CAMKMT: variants seen among roughly 807,000 people sequenced by gnomAD.
CAMKMT encodes the protein CaM KMT.
A neutral mutation model predicts 48.0 loss-of-function variants in CAMKMT; 53 were observed. The observed-to-expected ratio is 1.10, with a 90% confidence interval of 0.89 to 1.39. The LOEUF (loss-of-function observed/expected upper bound fraction) is 1.39. Ranked by LOEUF, CAMKMT falls within the 40% of genes most tolerant of loss-of-function variation. CAMKMT has a pLI of 0.00. For missense variants in CAMKMT, 428 were observed against 402.7 expected (o/e 1.06, Z -0.54); for synonymous variants, 165 against 152.3 (o/e 1.08, Z -0.61).
chr2:44,722,359 A>G (rs1359707362), intron 7 of CAMKMT, among the ~76,000 whole-genome samples: 1 of 152,098 alleles, frequency 6.6e-6, no homozygotes, highest in Non-Finnish European at 1.5e-5. Flanking sequence ...ACCAAAAAGT[A>G]TATGATGTTT....
At chr2:44,369,745 A>C (rs1198500473) in intron 1 of CAMKMT, 1 of 152,238 alleles carries the variant, frequency 6.6e-6, no homozygotes, top group Non-Finnish European at 1.5e-5. Context: ...AAGTGATGCC[A>C]CTTGTGCTCC....
At chr2:44,417,780 T>C (rs945713474) in intron 3 of CAMKMT, among the ~76,000 whole-genome samples, 5 of 152,246 alleles carry the variant, frequency 3.3e-5, no homozygotes, top group African/African-American at 1.2e-4. Context: ...TGCGGTTCTA[T>C]GCAGATTCCT....
In CAMKMT at chr2:44,624,426, A is replaced by G. The variant is rs995274154; in HGVS notation, c.377-79857A>G. Among the ~76,000 whole-genome samples the G allele has an allele frequency of 2.6e-5, 4 of 152,026 alleles. No individual in the cohort carries two copies. The South Asian group carries it at 6.2e-4, about 24-fold the overall frequency. ...TGTGCCATGTTGGTGTGCTGCACCTATTAACTCGTCATTTAGCATTAGGTA... is the reference window on the plus strand; with the variant it reads ...TGTGCCATGTTGGTGTGCTGCACCTGTTAACTCGTCATTTAGCATTAGGTA... On this transcript the variant is annotated intron_variant, in intron 3 of 10. Coordinates refer to ENST00000378494, the MANE Select transcript of CAMKMT (RefSeq NM_024766.5).
At chr2:44,666,886 G>T (rs545749835) in intron 3 of CAMKMT, among the ~76,000 whole-genome samples, 7 of 152,354 alleles carry the variant, frequency 4.6e-5, no homozygotes, top group African/African-American at 1.4e-4. Context: ...GGGATTACAG[G>T]TGTGAGCTAC....
At chr2:44,715,435 G>A (rs1678126074) in intron 7 of CAMKMT, 82 bp downstream of exon 7, 2 of 1,029,384 alleles carry the variant, frequency 1.9e-6, no homozygotes, top group Non-Finnish European at 3.0e-6. Flanking sequence ...AATAATAATA[G>A]CTAACATTTA....
chr2:44,728,540 A>G (rs543331210), intron 7 of CAMKMT, among the ~76,000 whole-genome samples: 6 of 152,226 alleles, frequency 3.9e-5, no homozygotes, highest in Admixed American at 1.3e-4. Flanking sequence ...CTGTGAATCC[A>G]TCTGGTCCAG....
At chr2:44,384,500 CTT>C (rs141017634) in intron 2 of CAMKMT, among the ~76,000 whole-genome samples, 22 of 95,838 alleles carry the variant, frequency 2.3e-4, no homozygotes, top group Admixed American at 3.3e-4. Flanking sequence ...AGCTATTTAT[CTT>C]TTTTTTTTTT....
intron 2 of CAMKMT, among the ~76,000 whole-genome samples, chr2:44,389,331 G>T (rs1181649955): frequency 6.6e-6 from 1 of 152,154 alleles, no homozygotes; most frequent in East Asian, 1.9e-4. Context: ...ACCTTTCGAG[G>T]TACCAGGGTT....
intron 3 of CAMKMT, among the ~76,000 whole-genome samples, chr2:44,391,526 A>T (rs997952138): frequency 6.6e-6 from 1 of 152,126 alleles, no homozygotes; most frequent in African/African-American, 2.4e-5. Flanking sequence ...ATGGTTGAGG[A>T]TACATACTCT....
At chr2:44,725,178 G>GTGTA (rs1328926116) in intron 7 of CAMKMT, among the ~76,000 whole-genome samples, 1 of 151,548 alleles carries the variant, frequency 6.6e-6, no homozygotes, top group East Asian at 1.9e-4. Flanking sequence ...GTGTGTGTGT[G>GTGTA]TGTACCTGTA....
At chr2:44,630,720 T>C (rs1330040415) in intron 3 of CAMKMT, among the ~76,000 whole-genome samples, 3 of 150,198 alleles carry the variant, frequency 2.0e-5, no homozygotes, top group African/African-American at 7.3e-5. Context: ...CCAGTTAGAA[T>C]GGCAATCATT....
intron 3 of CAMKMT, among the ~76,000 whole-genome samples, chr2:44,666,240 T>C (rs1201036884): frequency 6.6e-6 from 1 of 152,240 alleles, no homozygotes; most frequent in East Asian, 1.9e-4. Flanking sequence ...GTAGTGGTTC[T>C]GAGCAAAATT....
chr2:44,694,992 G>C (rs1282397377), intron 3 of CAMKMT, among the ~76,000 whole-genome samples: 1 of 152,150 alleles, frequency 6.6e-6, no homozygotes. Context: ...CGTTTATAAC[G>C]TGTTTAGAGA....
intron 6 of CAMKMT, among the ~76,000 whole-genome samples, chr2:44,709,463 A>AT (rs989569590): frequency 5.3e-4 from 80 of 151,988 alleles, no homozygotes; most frequent in African/African-American, 1.7e-3. Context: ...ACCAGATCTA[A>AT]TTTTTTTTAA....
At chr2:44,598,155 A>G (rs563874670) in intron 3 of CAMKMT, among the ~76,000 whole-genome samples, 52 of 152,268 alleles carry the variant, frequency 3.4e-4, no homozygotes, top group Non-Finnish European at 6.6e-4. Context: ...GACAAAAATT[A>G]TAATGTTAGA....
At chr2:44,613,112 T>C (rs2103902774) in intron 3 of CAMKMT, among the ~76,000 whole-genome samples, 1 of 152,364 alleles carries the variant, frequency 6.6e-6, no homozygotes, top group African/African-American at 2.4e-5. Context: ...AGTAAAAGAT[T>C]TCTGTATTTG....
chr2:44,751,988 A>G (rs1680172350), intron 8 of CAMKMT, among the ~76,000 whole-genome samples: 1 of 152,092 alleles, frequency 6.6e-6, no homozygotes, highest in South Asian at 2.1e-4. Flanking sequence ...CACCAAGACA[A>G]GGATGAAGGA....
intron 3 of CAMKMT, among the ~76,000 whole-genome samples, chr2:44,467,551 C>CA (rs201565868): frequency 0.02 from 2,761 of 139,984 alleles, 85 homozygotes; most frequent in African/African-American, 0.066. Context: ...GAAAAAAAAA[C>CA]AAAAAAAAAC....
At chr2:44,706,185 C>T (rs1015462978) in intron 4 of CAMKMT, 102 bp from the exon 5 acceptor site, 1 of 1,129,552 alleles carries the variant, frequency 8.9e-7, no homozygotes, top group East Asian at 2.4e-5. Context: ...CTGGTAGCGC[C>T]GTTCTTACTG....
Sources: gnomAD v4.1 joint callset for allele counts (sites outside exome capture counted in the v4.1 genomes callset) on GRCh38, gnomAD v4.1.1 for gene constraint, MANE v1.5 for transcripts, NCBI Gene and HGNC (gene_info 2026-07-23, HGNC 2026-07-21) for gene names.